Variants in STAMBP observed in about 807,000 individuals in gnomAD.
The protein encoded by STAMBP is STAM binding protein.
STAMBP carries 31 observed loss-of-function variants against 50.7 expected under a neutral mutation model. The ratio of observed to expected loss-of-function variants is 0.61; its 90% CI spans 0.46 to 0.83. The LOEUF is 0.83. STAMBP is among the 40% of genes least tolerant of loss of function. The pLI is 0.00. For synonymous variants in STAMBP, 211 were observed against 192.4 expected, an observed-to-expected ratio of 1.10 and a Z score of -0.80; for missense variants, 472 against 518.9, an observed-to-expected ratio of 0.91 and a Z score of 0.88.
In STAMBP at chr2:73,860,170, G is replaced by T. The variant is rs763270756; in HGVS notation, c.1218+19G>T. On this transcript the variant is annotated intron_variant, in intron 9 of 9. Transcript: ENST00000394070. The stretch of plus-strand genomic sequence containing the variant: ...GTTCTGTGTACGTATCTATGTAAAA[G>T]AAAATGGGGCTATGCTTCAAGCAGG... 1 of 1,596,466 alleles carries T rather than the reference G, an allele frequency of 6.3e-7. No homozygotes were observed. The highest frequency in any genetic ancestry group is 8.6e-7 in the Non-Finnish European group (1 of 1,165,276).
intron 8 of STAMBP, 52 bp downstream of exon 8, chr2:73,859,418 A>T (rs749038312): frequency 2.8e-6 from 4 of 1,406,504 alleles, no homozygotes; most frequent in Non-Finnish European, 4.0e-6. Flanking sequence ...GTAGGGAAGA[A>T]AGCCTCAGGG....
intron 7 of STAMBP, among the ~76,000 whole-genome samples, chr2:73,851,738 C>G (rs1676836258): frequency 6.6e-6 from 1 of 151,444 alleles, no homozygotes; most frequent in Non-Finnish European, 1.5e-5. Context: ...CTCCCGGATT[C>G]AAGCGATTCT....
downstream of STAMBP, among the ~76,000 whole-genome samples, chr2:73,870,898 A>G (rs1273751567): frequency 2.6e-5 from 4 of 152,086 alleles, no homozygotes; most frequent in Non-Finnish European, 5.9e-5. Flanking sequence ...AGCCTAGTAT[A>G]CACCTTTCCC....
At chr2:73,856,278 C>T (rs979423852) in intron 7 of STAMBP, among the ~76,000 whole-genome samples, 1 of 152,236 alleles carries the variant, frequency 6.6e-6, no homozygotes, top group Non-Finnish European at 1.5e-5. Context: ...AGCTACAGGA[C>T]AGCCTTTGCC....
rs397514697 is a variant in STAMBP at position 73,845,186 on chromosome 2, T to A, written c.299T>A (p.Phe100Tyr). Residue 100 changes from phenylalanine (F) to tyrosine (Y), a missense_variant, in exon 4 of 10, where the codon TTT (phenylalanine) becomes TAT (tyrosine). By Grantham distance (22) the Phe-to-Tyr change is conservative. Transcript: ENST00000394070. ...DTVKKLKEIA[F>Y]PKAEELKAEL... is the part of the protein sequence containing the mutation. ...TCTCAGAAATTAAAGGAGATTGCAT[T>A]TCCCAAAGCAGAAGAGCTGAAGGCA... is the stretch of plus-strand genomic sequence containing the variant. 1.5e-5 allele frequency: 25 copies of A among 1,613,880 alleles called. No individual in the cohort carries two copies. Among genetic ancestry groups the A allele is most frequent in the Non-Finnish European group, 2.1e-5 (25 of 1,179,886 alleles).
chr2:73,849,979 G>A (rs531192676), intron 6 of STAMBP, among the ~76,000 whole-genome samples: 1 of 152,288 alleles, frequency 6.6e-6, no homozygotes, highest in Admixed American at 6.5e-5. Flanking sequence ...ATAAATAAAT[G>A]AAGTAGAGTA....
chr2:73,846,192 CTTTT>C (rs921427216), intron 4 of STAMBP, among the ~76,000 whole-genome samples: 4 of 145,838 alleles, frequency 2.7e-5, no homozygotes, highest in African/African-American at 1.0e-4. Context: ...TTCTTTCTTT[CTTTT>C]TTTTTTTAAT....
intron 1 of STAMBP, 62 bp from the exon 2 acceptor site, chr2:73,830,783 C>G (rs1673805271): frequency 7.7e-7 from 1 of 1,305,984 alleles, no homozygotes; most frequent in South Asian, 1.3e-5. Flanking sequence ...GTGAGATAAA[C>G]TGTAAAACTG....
chr2:73,859,211 T>C (rs1190248556), intron 7 of STAMBP, 43 bp from the exon 8 acceptor site: 4 of 1,519,880 alleles, frequency 2.6e-6, no homozygotes, highest in South Asian at 1.1e-5. Flanking sequence ...GGGATTACCA[T>C]ATATCCTCGC....
At chr2:73,847,306 TC>T in intron 4 of STAMBP, 80 bp from the exon 5 acceptor site, 1 of 1,503,978 alleles carries the variant, frequency 6.6e-7, no homozygotes, top group South Asian at 1.4e-5. Flanking sequence ...TTTGGAAATC[TC>T]CATGCTAAAA....
At position 73,849,451 on chromosome 2, in the gene STAMBP, G is replaced by A. The variant is rs1330303553; in HGVS notation, c.831G>A (p.Arg277=). The change falls in exon 6 of 10, where the codon CGG becomes CGA. Residue 277 remains arginine (R), a synonymous_variant. Transcript: ENST00000394070. ...AGTTAGCCAGTGCCAACACTGCCCG[G>A]GGAGTGGAGACATGTGGAATTCTCT... The part of the protein sequence containing the change: ...FLQLASANTA[R]GVETCGILCG... 3 of 1,612,762 alleles carry A rather than the reference G, an allele frequency of 1.9e-6. No homozygotes were observed. The highest frequency in any genetic ancestry group is 2.2e-5 in the East Asian group (1 of 44,824).
At chr2:73,842,896 T>C (rs1243818027) in intron 2 of STAMBP, among the ~76,000 whole-genome samples, 1 of 152,150 alleles carries the variant, frequency 6.6e-6, no homozygotes, top group Non-Finnish European at 1.5e-5. Context: ...CGCAGTGTAG[T>C]TCTATAATAA....
chr2:73,843,406 G>GTATATATATATATATATA lies in STAMBP; in HGVS notation c.204-1394_204-1393insATATATATATATATATAT, dbSNP rs773798563. 1.6e-3 allele frequency among the ~76,000 whole-genome samples: 211 copies of GTATATATATATATATATA among 129,848 alleles called. 4 individuals are homozygous for GTATATATATATATATATA. The highest frequency in any genetic ancestry group is 6.4e-3 in the African/African-American group (192 of 29,912). 85.2% of individuals were successfully genotyped at this position (129,848 alleles called of 152,430 possible). On this transcript the variant is annotated intron_variant, in intron 2 of 9. Coordinates refer to ENST00000394070, the MANE Select transcript of STAMBP (RefSeq NM_213622.4). ...TGTTTTGTTATATATGTTTGTGTAT[G>GTATATATATATATATATA]TATATATATATATGTATATATATAT...
chr2:73,868,209 C>A (rs1180282215), downstream of STAMBP, among the ~76,000 whole-genome samples: 1 of 151,040 alleles, frequency 6.6e-6, no homozygotes, highest in Non-Finnish European at 1.5e-5. Context: ...TACACACACA[C>A]ACACTTCACA....
At chr2:73,838,080 A>G (rs1189896103) in intron 2 of STAMBP, among the ~76,000 whole-genome samples, 1 of 152,190 alleles carries the variant, frequency 6.6e-6, no homozygotes, top group Non-Finnish European at 1.5e-5. Flanking sequence ...TTTCGCTAGA[A>G]GGATTACAGA....
intron 9 of STAMBP, among the ~76,000 whole-genome samples, chr2:73,861,556 G>A (rs961635469): frequency 6.6e-6 from 1 of 151,944 alleles, no homozygotes; most frequent in Non-Finnish European, 1.5e-5. Context: ...GTCTCGCTCT[G>A]TTGCCGGGCT....
chr2:73,838,539 A>G (rs925019214), intron 2 of STAMBP, among the ~76,000 whole-genome samples: 3 of 152,240 alleles, frequency 2.0e-5, no homozygotes, highest in African/African-American at 7.2e-5. Context: ...AGGAGAGGCT[A>G]ACAGTCCAGA....
chr2:73,854,957 C>T (rs924123562), intron 7 of STAMBP, among the ~76,000 whole-genome samples: 1 of 152,176 alleles, frequency 6.6e-6, no homozygotes, highest in African/African-American at 2.4e-5. Flanking sequence ...CCACTGCACT[C>T]CAGCCTGGGC....
At chr2:73,853,894 A>G (rs1011978068) in intron 7 of STAMBP, among the ~76,000 whole-genome samples, 2 of 152,210 alleles carry the variant, frequency 1.3e-5, no homozygotes, top group African/African-American at 4.8e-5. Flanking sequence ...GTGTATCTCT[A>G]AACACTATAG....
Sources: gnomAD v4.1 joint callset for allele counts (sites outside exome capture counted in the v4.1 genomes callset) on GRCh38, gnomAD v4.1.1 for gene constraint, MANE v1.5 for transcripts, NCBI Gene and HGNC (gene_info 2026-07-23, HGNC 2026-07-21) for gene names.